RB1: variants seen among roughly 807,000 people sequenced by gnomAD.
RB1 encodes retinoblastoma-associated protein.
Under a neutral mutation model 135.4 loss-of-function variants are expected in RB1, and 18 were observed. The ratio of observed to expected loss-of-function variants is 0.13; its 90% CI spans 0.09 to 0.20. The LOEUF (loss-of-function observed/expected upper bound fraction) is 0.20, where lower values mean the gene tolerates loss of function less well. RB1 is among the 10% of genes least tolerant of loss of function. The probability of loss-of-function intolerance (pLI) is 1.00; values close to 1 mark genes in which losing one functional copy is unlikely to be tolerated. For missense variants in RB1, 868 were observed against 1,110.0 expected, an observed-to-expected ratio of 0.78 and a Z score of 3.10; for synonymous variants, 365 against 373.2, an observed-to-expected ratio of 0.98 and a Z score of 0.25.
chr13:48,412,237 C>T, intron 17 of RB1: 1 of 1,614,068 alleles, frequency 6.2e-7, no homozygotes, highest in Non-Finnish European at 8.5e-7. Context: ...AAAAGCAAGT[C>T]TGACATTGCC....
At position 48,453,106 on chromosome 13, in the gene RB1, A is replaced by C; in HGVS notation, c.1809A>C (p.Ala603=). 6.2e-7 allele frequency: 1 copy of C among 1,611,726 alleles called. No homozygotes were observed. The highest frequency in any genetic ancestry group is 2.2e-5 in the East Asian group (1 of 44,794). The change falls in exon 18 of 27, where the codon GCA becomes GCC. Residue 603 remains alanine, a synonymous_variant. Transcript: ENST00000267163. ...CTCTCCAGAATAATCACACTGCAGC[A>C]GATATGTAAGCAAAATATATGTTAT... ...NLPLQNNHTA[A]DMYLSPVRSP... is the part of the protein sequence containing the mutation.
intron 26 of RB1, among the ~76,000 whole-genome samples, chr13:48,477,813 A>T (rs555096486): frequency 6.6e-6 from 1 of 152,302 alleles, no homozygotes; most frequent in East Asian, 1.9e-4. Flanking sequence ...TACCATTTTT[A>T]AACTTTCCTT....
chr13:48,481,825 A>G lies in RB1; in HGVS notation c.*1754A>G, dbSNP rs1949539993. On this transcript the variant is annotated 3_prime_UTR_variant, in exon 27 of 27. Coordinates refer to ENST00000267163, the MANE Select transcript of RB1 (RefSeq NM_000321.3). Reference sequence around the variant, plus strand: ...TTAAAACTGTACATTTAAAATTGCTATGTTACTATTTTCTACAATTAATAG... The same window carrying G: ...TTAAAACTGTACATTTAAAATTGCTGTGTTACTATTTTCTACAATTAATAG... 9.0e-6 allele frequency: 2 copies of G among 223,056 alleles called. No individual in the cohort carries two copies. Among genetic ancestry groups the G allele is most frequent in the African/African-American group, 4.5e-5 (2 of 44,832 alleles). The allele number at this position is 223,056 out of a possible 1,614,324, so 13.8% of individuals were successfully genotyped here.
chr13:48,365,525 A>G (rs1038018566), intron 9 of RB1, among the ~76,000 whole-genome samples: 1 of 152,180 alleles, frequency 6.6e-6, no homozygotes, highest in African/African-American at 2.4e-5. Context: ...TGTCTTTCCA[A>G]TGAGAACAGA....
chr13:48,322,816 T>G (rs1345517608), intron 2 of RB1, among the ~76,000 whole-genome samples: 1 of 152,198 alleles, frequency 6.6e-6, no homozygotes, highest in Non-Finnish European at 1.5e-5. Context: ...GTGTAGTATA[T>G]TAGTTGATTT....
chr13:48,396,852 C>G (rs1948652596), intron 17 of RB1, among the ~76,000 whole-genome samples: 1 of 152,154 alleles, frequency 6.6e-6, no homozygotes, highest in African/African-American at 2.4e-5. Context: ...ACAGACACTT[C>G]TCAAAAGAAG....
chr13:48,337,789 A>G (rs1566184489), intron 2 of RB1, among the ~76,000 whole-genome samples: 2 of 152,058 alleles, frequency 1.3e-5, no homozygotes. Flanking sequence ...GGTCTTTACA[A>G]TTTGGCATGT....
chr13:48,365,716 A>G (rs1167243965), intron 9 of RB1, among the ~76,000 whole-genome samples: 1 of 152,190 alleles, frequency 6.6e-6, no homozygotes, highest in Non-Finnish European at 1.5e-5. Context: ...TTTTTGAATT[A>G]ATTTATTAAT....
chr13:48,476,028 G>A (rs933438022), intron 24 of RB1, among the ~76,000 whole-genome samples: 13 of 152,058 alleles, frequency 8.5e-5, no homozygotes, highest in African/African-American at 3.1e-4. Flanking sequence ...TAGCAGCACG[G>A]GATTTAGTTT....
intron 3 of RB1, among the ~76,000 whole-genome samples, chr13:48,343,997 C>G (rs1030425217): frequency 3.9e-5 from 6 of 152,100 alleles, no homozygotes; most frequent in African/African-American, 1.4e-4. Flanking sequence ...GGCTATAACT[C>G]ATTGGTTGCT....
rs3092886 is a variant in RB1 at position 48,376,889 on chromosome 13, A to G, written c.1216-29A>G. On this transcript the variant is annotated intron_variant, in intron 12 of 26. Transcript: ENST00000267163. The stretch of plus-strand genomic sequence containing the variant: ...TAATTCTGATTACACAGTATCCTCG[A>G]CATTGATTTCTGTTTTTACCTCCTA... 7,055 of 1,612,740 alleles carry G rather than the reference A, an allele frequency of 4.4e-3. 265 individuals carry two copies. In the African/African-American group the frequency reaches 0.082, roughly 19 times the overall value.
intron 2 of RB1, among the ~76,000 whole-genome samples, chr13:48,336,809 G>T (rs1952389663): frequency 6.6e-6 from 1 of 151,884 alleles, no homozygotes. Context: ...GCTTTCTCTT[G>T]TGGGCATTTA....
intron 24 of RB1, among the ~76,000 whole-genome samples, chr13:48,475,264 C>T (rs182351312): frequency 1.3e-3 from 198 of 152,300 alleles, no homozygotes; most frequent in African/African-American, 4.2e-3. Context: ...TTAAAACAAA[C>T]GCTTATTATC....
chr13:48,337,480 T>C (rs1952395771), intron 2 of RB1, among the ~76,000 whole-genome samples: 1 of 152,244 alleles, frequency 6.6e-6, no homozygotes, highest in African/African-American at 2.4e-5. Context: ...ACGTCTGTTT[T>C]ATCAGAGACT....
intron 17 of RB1, among the ~76,000 whole-genome samples, chr13:48,433,157 C>T (rs1259949791): frequency 6.6e-6 from 1 of 151,820 alleles, no homozygotes; most frequent in East Asian, 1.9e-4. Flanking sequence ...GCTACTAAAC[C>T]TCAGTATTAT....
intron 2 of RB1, among the ~76,000 whole-genome samples, chr13:48,330,237 G>A (rs1952320997): frequency 6.6e-6 from 1 of 151,944 alleles, no homozygotes; most frequent in South Asian, 2.1e-4. Flanking sequence ...TAGGACCCCA[G>A]ATAAGTAACC....
At chr13:48,378,993 T>G (rs987760589) in intron 13 of RB1, among the ~76,000 whole-genome samples, 4 of 152,208 alleles carry the variant, frequency 2.6e-5, no homozygotes, top group African/African-American at 9.6e-5. Flanking sequence ...TGGGAACTAG[T>G]TATTTGGCTA....
chr13:48,423,971 A>G (rs147750625), intron 17 of RB1: 1 of 152,768 alleles, frequency 6.5e-6, no homozygotes, highest in African/African-American at 2.4e-5. Context: ...TTAAAATTTA[A>G]AAAGAATTAT....
chr13:48,363,717 A>G (rs1005590046), intron 8 of RB1, among the ~76,000 whole-genome samples: 2 of 152,204 alleles, frequency 1.3e-5, no homozygotes, highest in African/African-American at 2.4e-5. Context: ...TGGAGAATAC[A>G]TATGAATTCC....
Sources: gnomAD v4.1 joint callset for allele counts (sites outside exome capture counted in the v4.1 genomes callset) on GRCh38, gnomAD v4.1.1 for gene constraint, MANE v1.5 for transcripts, NCBI Gene and HGNC (gene_info 2026-07-23, HGNC 2026-07-21) for gene names.